PEX13: variants seen among roughly 807,000 people sequenced by gnomAD.
PEX13 encodes peroxisomal biogenesis factor 13.
In PEX13, 28 loss-of-function variants were observed where a neutral mutation model predicts 34.5. The observed-to-expected ratio is 0.81, with a 90% CI of 0.60 to 1.11. The LOEUF (loss-of-function observed/expected upper bound fraction) is 1.11, where lower values mean the gene tolerates loss of function less well. PEX13 is among the 50% of genes most tolerant of loss of function. PEX13 has a pLI of 0.00. For missense variants in PEX13, 550 were observed against 491.0 expected (o/e 1.12, Z -1.13); for synonymous variants, 177 against 175.1 (o/e 1.01, Z -0.09).
At chr2:61,019,304 T>C (rs74715113) in intron 1 of PEX13, among the ~76,000 whole-genome samples, 9,840 of 152,150 alleles carry the variant, frequency 0.065, 402 homozygotes, top group Middle Eastern at 0.13. Flanking sequence ...TTATCTTTGC[T>C]TACCAATTTG....
chr2:61,043,449 A>G (rs757189816), intron 2 of PEX13, among the ~76,000 whole-genome samples: 1 of 152,146 alleles, frequency 6.6e-6, no homozygotes, highest in Non-Finnish European at 1.5e-5. Flanking sequence ...ATGAATAGTC[A>G]TGGTTCAACT....
intron 2 of PEX13, among the ~76,000 whole-genome samples, chr2:61,042,713 G>A (rs1559043203): frequency 6.6e-6 from 1 of 152,076 alleles, no homozygotes; most frequent in Non-Finnish European, 1.5e-5. Flanking sequence ...GTTCCTGAGA[G>A]GTTCATATGT....
chr2:61,020,716 G>C (rs1017225353), intron 1 of PEX13, among the ~76,000 whole-genome samples: 1 of 151,994 alleles, frequency 6.6e-6, no homozygotes, highest in Non-Finnish European at 1.5e-5. Flanking sequence ...GTGCAGAGAC[G>C]CAATCTTGGC....
intron 2 of PEX13, among the ~76,000 whole-genome samples, chr2:61,036,207 C>T (rs1446641838): frequency 6.6e-6 from 1 of 152,084 alleles, no homozygotes; most frequent in Non-Finnish European, 1.5e-5. Context: ...GAAAACACTC[C>T]TCAGGATATT....
Position 61,031,482 on chromosome 2 carries a change from C to T in PEX13, c.156C>T (p.Pro52=), listed in dbSNP as rs562629125. ...GACAACCAGCACTTACCAGAGTGCC[C>T]CCACCTATTCTTCCAAGGCCATCAC... ...RPGQPALTRV[P]PPILPRPSQQ... Residue 52 remains proline, a synonymous_variant, in exon 2 of 4, where the codon CCC becomes CCT. Coordinates refer to ENST00000295030, the MANE Select transcript of PEX13 (RefSeq NM_002618.4). 8.1e-6 allele frequency: 13 copies of T among 1,614,142 alleles called. No individual in the cohort carries two copies. The East Asian group carries it at 2.9e-4, about 36-fold the overall frequency.
chr2:61,020,811 C>T (rs928692087), intron 1 of PEX13, among the ~76,000 whole-genome samples: 9 of 151,922 alleles, frequency 5.9e-5, no homozygotes, highest in East Asian at 3.9e-4. Context: ...CGTGCCACTC[C>T]GCCCAGCTAA....
intron 2 of PEX13, among the ~76,000 whole-genome samples, chr2:61,037,329 AC>A (rs575611384): frequency 7.0e-4 from 107 of 152,346 alleles, no homozygotes; most frequent in Admixed American, 2.2e-3. Flanking sequence ...TCTTCTCAGC[AC>A]CACATCACAC....
At chr2:61,041,854 T>C (rs934732205) in intron 2 of PEX13, among the ~76,000 whole-genome samples, 6 of 152,162 alleles carry the variant, frequency 3.9e-5, no homozygotes, top group African/African-American at 1.4e-4. Context: ...GAAGCTACTA[T>C]AGGAAGTAAG....
chr2:61,040,765 A>G lies in PEX13; in HGVS notation c.788-4961A>G, dbSNP rs570200700. The stretch of plus-strand genomic sequence containing the variant: ...TAAATATATATATAGGTATATACAT[A>G]TATATATATACCTATATATTAAAGT... On this transcript the variant is annotated intron_variant, in intron 2 of 3. Coordinates refer to ENST00000295030, the MANE Select transcript of PEX13 (RefSeq NM_002618.4). 6.1e-5 allele frequency among the ~76,000 whole-genome samples: 9 copies of G among 147,832 alleles called. No homozygotes were observed. In the East Asian group the frequency reaches 1.8e-3, roughly 29 times the overall value.
chr2:61,030,457 AT>A (rs998495973), intron 1 of PEX13, among the ~76,000 whole-genome samples: 21 of 152,110 alleles, frequency 1.4e-4, no homozygotes, highest in African/African-American at 3.9e-4. Flanking sequence ...GTTTTTTCAC[AT>A]TTTTTTATGG....
At chr2:61,040,859 G>C (rs982027623) in intron 2 of PEX13, among the ~76,000 whole-genome samples, 1 of 147,410 alleles carries the variant, frequency 6.8e-6, no homozygotes, top group South Asian at 2.1e-4. Context: ...ATATATATGT[G>C]TATATATATA....
At chr2:61,033,061 A>ACT (rs1403446253) in intron 2 of PEX13, among the ~76,000 whole-genome samples, 1 of 152,218 alleles carries the variant, frequency 6.6e-6, no homozygotes, top group Non-Finnish European at 1.5e-5. Context: ...TTTTAAGCAG[A>ACT]CTGTGACATA....
At chr2:61,031,398 T>G (rs1328166580) in intron 1 of PEX13, 21 bp from the exon 2 acceptor site, 2 of 1,574,220 alleles carry the variant, frequency 1.3e-6, no homozygotes, top group East Asian at 4.5e-5. Flanking sequence ...AATAACTGTT[T>G]TGAATCTTTT....
At chr2:61,027,433 G>A (rs905055303) in intron 1 of PEX13, among the ~76,000 whole-genome samples, 3 of 151,896 alleles carry the variant, frequency 2.0e-5, no homozygotes, top group African/African-American at 7.3e-5. Flanking sequence ...TTCATTTCCT[G>A]GGCTGGAGGC....
At chr2:61,028,703 C>A (rs1325650653) in intron 1 of PEX13, among the ~76,000 whole-genome samples, 1 of 151,540 alleles carries the variant, frequency 6.6e-6, no homozygotes, top group Non-Finnish European at 1.5e-5. Flanking sequence ...TAGGACATTT[C>A]TAGAAAAAAA....
At chr2:61,024,794 G>A (rs1213454811) in intron 1 of PEX13, among the ~76,000 whole-genome samples, 1 of 152,124 alleles carries the variant, frequency 6.6e-6, no homozygotes. Context: ...GGGCAACAGA[G>A]TGAGACTCCA....
chr2:61,018,623 A>G (rs558790978), intron 1 of PEX13: 62 of 178,900 alleles, frequency 3.5e-4, no homozygotes, highest in African/African-American at 1.3e-3. Context: ...TTCAAATGTC[A>G]AATCACCTAC....
At chr2:61,019,625 G>T (rs991364115) in intron 1 of PEX13, among the ~76,000 whole-genome samples, 1 of 151,834 alleles carries the variant, frequency 6.6e-6, no homozygotes, top group Non-Finnish European at 1.5e-5. Context: ...ACTAATTGTC[G>T]CAGCACCATT....
intron 2 of PEX13, among the ~76,000 whole-genome samples, chr2:61,037,560 A>C (rs1680556009): frequency 6.6e-6 from 1 of 152,214 alleles, no homozygotes; most frequent in South Asian, 2.1e-4. Context: ...TGTTCTTTCA[A>C]ACCAAGGAAA....
Sources: gnomAD v4.1 joint callset for allele counts (sites outside exome capture counted in the v4.1 genomes callset) on GRCh38, gnomAD v4.1.1 for gene constraint, MANE v1.5 for transcripts, NCBI Gene and HGNC (gene_info 2026-07-23, HGNC 2026-07-21) for gene names.